Variants in DIS3L2 observed in about 807,000 individuals in gnomAD.
DIS3L2 encodes DIS3 like 3'-5' exoribonuclease 2.
DIS3L2 carries 34 observed loss-of-function variants against 97.5 expected under a neutral mutation model. That is an observed-to-expected ratio of 0.35 (90% CI 0.27 to 0.46). DIS3L2 has a LOEUF of 0.46. Ranked by LOEUF, DIS3L2 falls within the 20% of genes least tolerant of loss-of-function variation. DIS3L2 has a pLI of 1.00. For missense variants in DIS3L2, 1,038 were observed against 1,146.0 expected (o/e 0.91, Z 1.36); for synonymous variants, 435 against 445.2 (o/e 0.98, Z 0.29).
At chr2:231,981,079 G>A (rs2106178123) in intron 1 of DIS3L2, among the ~76,000 whole-genome samples, 1 of 152,224 alleles carries the variant, frequency 6.6e-6, no homozygotes, top group African/African-American at 2.4e-5. Context: ...GAGTAGCTGG[G>A]ATTACAGGCA....
intron 10 of DIS3L2, among the ~76,000 whole-genome samples, chr2:232,228,033 T>C (rs1692693536): frequency 6.6e-6 from 1 of 152,166 alleles, no homozygotes; most frequent in South Asian, 2.1e-4. Context: ...GATGGTGCTA[T>C]CTTGGCTTAC....
intron 13 of DIS3L2, among the ~76,000 whole-genome samples, chr2:232,267,362 T>C (rs1482136286): frequency 1.3e-5 from 2 of 152,230 alleles, no homozygotes; most frequent in African/African-American, 4.8e-5. Flanking sequence ...AGGTTCTAGG[T>C]ACATGAATGA....
chr2:232,316,085 C>CCCTT (rs1479600658), intron 14 of DIS3L2, among the ~76,000 whole-genome samples: 2 of 152,178 alleles, frequency 1.3e-5, no homozygotes, highest in Non-Finnish European at 2.9e-5. Context: ...CTCAGCAGCT[C>CCCTT]CCTTCCCTGA....
chr2:232,181,498 A>C (rs1013556926), intron 9 of DIS3L2, among the ~76,000 whole-genome samples: 1 of 152,090 alleles, frequency 6.6e-6, no homozygotes, highest in African/African-American at 2.4e-5. Context: ...TATTTCTTGG[A>C]GGCTTTGCTT....
intron 6 of DIS3L2, among the ~76,000 whole-genome samples, chr2:232,099,961 G>A (rs1176815033): frequency 2.0e-5 from 3 of 151,242 alleles, no homozygotes; most frequent in Admixed American, 1.3e-4. Flanking sequence ...TTTTTTCTTT[G>A]ATAACTCTTG....
chr2:232,239,272 C>T (rs1693015785), intron 11 of DIS3L2, among the ~76,000 whole-genome samples: 1 of 152,232 alleles, frequency 6.6e-6, no homozygotes, highest in African/African-American at 2.4e-5. Context: ...CCCTTCCATT[C>T]TGTGTACTTG....
chr2:232,203,150 G>A (rs1361930800), intron 9 of DIS3L2, among the ~76,000 whole-genome samples: 1 of 152,218 alleles, frequency 6.6e-6, no homozygotes, highest in Non-Finnish European at 1.5e-5. Flanking sequence ...TCTAATCTAA[G>A]AAAGTGTTGG....
At chr2:232,197,652 G>C (rs567007044) in intron 9 of DIS3L2, among the ~76,000 whole-genome samples, 1 of 152,218 alleles carries the variant, frequency 6.6e-6, no homozygotes, top group African/African-American at 2.4e-5. Context: ...AATACATCCA[G>C]AGTTTTTAAA....
At chr2:232,208,751 G>A (rs1394593553) in intron 9 of DIS3L2, among the ~76,000 whole-genome samples, 2 of 152,078 alleles carry the variant, frequency 1.3e-5, no homozygotes, top group Non-Finnish European at 2.9e-5. Flanking sequence ...TTTTGGGTTG[G>A]GCATCGTAGC....
intron 13 of DIS3L2, among the ~76,000 whole-genome samples, chr2:232,342,729 G>T (rs1474772942): frequency 6.6e-6 from 1 of 152,178 alleles, no homozygotes; most frequent in Non-Finnish European, 1.5e-5. Flanking sequence ...AGCAGTCATG[G>T]CAGTGACAAA....
intron 9 of DIS3L2, among the ~76,000 whole-genome samples, chr2:232,201,869 T>C (rs1038742087): frequency 6.6e-6 from 1 of 152,176 alleles, no homozygotes; most frequent in African/African-American, 2.4e-5. Context: ...AAAGCCAATA[T>C]GGAAAAATGT....
chr2:232,070,798 T>C (rs1342274865), intron 5 of DIS3L2, among the ~76,000 whole-genome samples: 1 of 152,168 alleles, frequency 6.6e-6, no homozygotes, highest in African/African-American at 2.4e-5. Context: ...TTGGCCAGGA[T>C]GGTCTCGATC....
intron 10 of DIS3L2, among the ~76,000 whole-genome samples, chr2:232,218,852 C>CTTG (rs1022451868): frequency 6.6e-6 from 1 of 152,194 alleles, no homozygotes; most frequent in Non-Finnish European, 1.5e-5. Flanking sequence ...TGAAAACCTG[C>CTTG]TTGTACCTAT....
chr2:232,024,334 A>T lies in DIS3L2; in HGVS notation c.264+4A>T, dbSNP rs1694601124. The T allele has an allele frequency of 3.8e-6, 6 of 1,594,948 alleles. No homozygotes were observed. Among genetic ancestry groups the T allele is most frequent in the Non-Finnish European group, 4.3e-6 (5 of 1,168,812 alleles). On this transcript the variant is annotated splice_donor_region_variant and intron_variant, in intron 4 of 20. Coordinates refer to ENST00000325385, the MANE Select transcript of DIS3L2 (RefSeq NM_152383.5). ...TGAAGCCTTCATTCCTTCCCCGGTA[A>T]GTTCAATAAATTTATAATAAACTTT...
intron 3 of DIS3L2, among the ~76,000 whole-genome samples, chr2:232,021,101 G>T (rs1456808866): frequency 6.6e-6 from 1 of 152,178 alleles, no homozygotes; most frequent in Non-Finnish European, 1.5e-5. Flanking sequence ...TAGCCCAGTT[G>T]TGTGGTGTTT....
At chr2:232,139,305 TTA>T (rs1417290057) in intron 8 of DIS3L2, among the ~76,000 whole-genome samples, 2 of 152,332 alleles carry the variant, frequency 1.3e-5, no homozygotes, top group African/African-American at 4.8e-5. Context: ...ATGAGCTGTG[TTA>T]TTCTGCTTCT....
intron 1 of DIS3L2, among the ~76,000 whole-genome samples, chr2:232,013,184 T>C (rs1407299535): frequency 6.6e-6 from 1 of 152,200 alleles, no homozygotes; most frequent in East Asian, 1.9e-4. Context: ...CGGGTCTTCC[T>C]TTCCTTTCAC....
rs1170950804 is a variant in DIS3L2, at chr2:232,300,058, C to G, written c.1678C>G (p.Leu560Val). ...TCTTCAGCTAAAGCTTGCTTTCACT[C>G]TGGACCACGAGACCGGATTGCCTCA... ...RLDQLKLAFT[L>V]DHETGLPQGC... is the part of the protein sequence containing the mutation. Residue 560 changes from leucine (L) to valine (V), a missense_variant, in exon 14 of 21, where the codon CTG becomes GTG. This residue lies in a region of DIS3L2 where 813 missense variants were observed against 880.1 expected (regional missense o/e 0.92). Coordinates refer to ENST00000325385, the MANE Select transcript of DIS3L2 (RefSeq NM_152383.5). The G allele has an allele frequency of 6.2e-7, 1 of 1,613,866 alleles. No homozygotes were observed. Among genetic ancestry groups the G allele is most frequent in the Non-Finnish European group, 8.5e-7 (1 of 1,179,802 alleles).
intron 8 of DIS3L2, among the ~76,000 whole-genome samples, chr2:232,142,237 C>T (rs1315164581): frequency 6.6e-6 from 1 of 152,064 alleles, no homozygotes; most frequent in Non-Finnish European, 1.5e-5. Context: ...TTTTTTGTGA[C>T]TGTTGGGCTC....
Sources: allele counts gnomAD v4.1 joint callset (sites outside exome capture counted in the v4.1 genomes callset), GRCh38; gene constraint gnomAD v4.1.1; regional missense constraint gnomAD v4.1.1; transcripts MANE v1.5; gene names NCBI Gene and HGNC (gene_info 2026-07-23, HGNC 2026-07-21).